Variants in TMEM132D observed in about 807,000 individuals in gnomAD.
TMEM132D encodes the protein mature OL transmembrane protein.
Under a neutral mutation model 62.3 loss-of-function variants are expected in TMEM132D, and 21 were observed. That is an observed-to-expected ratio of 0.34 (90% confidence interval 0.24 to 0.49). The LOEUF (loss-of-function observed/expected upper bound fraction) is 0.49. Among genes scored for constraint, TMEM132D ranks in the 20% least tolerant of loss-of-function variants. TMEM132D has a pLI of 0.99. For synonymous variants in TMEM132D, 621 were observed against 575.6 expected, an observed-to-expected ratio of 1.08 and a Z score of -1.13; for missense variants, 1,346 against 1,402.8, an observed-to-expected ratio of 0.96 and a Z score of 0.65.
At chr12:129,556,976 G>C (rs1877080579) in intron 2 of TMEM132D, among the ~76,000 whole-genome samples, 1 of 152,184 alleles carries the variant, frequency 6.6e-6, no homozygotes, top group African/African-American at 2.4e-5. Flanking sequence ...GAAATTTTCA[G>C]TATATTGTAA....
chr12:129,743,113 C>T (rs1054299841), intron 1 of TMEM132D, among the ~76,000 whole-genome samples: 3 of 152,234 alleles, frequency 2.0e-5, no homozygotes, highest in South Asian at 2.1e-4. Context: ...CTCTGCCCTC[C>T]TGGGTTCAGA....
chr12:129,403,380 G>A (rs757250720), intron 3 of TMEM132D, among the ~76,000 whole-genome samples: 6 of 151,220 alleles, frequency 4.0e-5, no homozygotes, highest in Non-Finnish European at 8.8e-5. Context: ...TGGAAGAAGA[G>A]AGTACAGCAA....
At chr12:129,105,738 G>A (rs1394737469) in intron 5 of TMEM132D, among the ~76,000 whole-genome samples, 19 of 151,230 alleles carry the variant, frequency 1.3e-4, no homozygotes, top group East Asian at 5.8e-4. Flanking sequence ...CACCAGTTAG[G>A]ATGGCAATCA....
chr12:129,132,354 T>C (rs774630146), intron 5 of TMEM132D, among the ~76,000 whole-genome samples: 2 of 152,210 alleles, frequency 1.3e-5, no homozygotes, highest in Non-Finnish European at 2.9e-5. Flanking sequence ...CAATCATTTC[T>C]CTGGTAAGTT....
At chr12:129,603,548 G>GC (rs1247438590) in intron 2 of TMEM132D, among the ~76,000 whole-genome samples, 1 of 152,062 alleles carries the variant, frequency 6.6e-6, no homozygotes, top group Non-Finnish European at 1.5e-5. Context: ...CATTTATGTG[G>GC]CCAAGAAACA....
chr12:129,172,873 G>A (rs2171252), intron 5 of TMEM132D, among the ~76,000 whole-genome samples: 85,844 of 152,078 alleles, frequency 0.56, 25,760 homozygotes, highest in Non-Finnish European at 0.67. Context: ...CACTGCACCC[G>A]GCCTGGCCTC....
intron 1 of TMEM132D, among the ~76,000 whole-genome samples, chr12:129,703,702 G>T (rs1025074584): frequency 3.3e-5 from 5 of 152,062 alleles, no homozygotes; most frequent in Non-Finnish European, 5.9e-5. Context: ...ATTGGGTTCC[G>T]TGGCTGTAAT....
intron 1 of TMEM132D, among the ~76,000 whole-genome samples, chr12:129,738,094 C>G (rs1869485850): frequency 1.3e-5 from 2 of 152,250 alleles, no homozygotes; most frequent in Non-Finnish European, 2.9e-5. Flanking sequence ...GATTAAATGA[C>G]TCCTCCATTC....
chr12:129,452,360 G>A (rs1434971540), intron 3 of TMEM132D, among the ~76,000 whole-genome samples: 1 of 152,208 alleles, frequency 6.6e-6, no homozygotes, highest in Non-Finnish European at 1.5e-5. Flanking sequence ...GTAAAACCTG[G>A]AAGCCATCTC....
chr12:129,383,393 C>T (rs1418730451), intron 3 of TMEM132D, among the ~76,000 whole-genome samples: 4 of 152,118 alleles, frequency 2.6e-5, no homozygotes, highest in Non-Finnish European at 1.5e-5. Context: ...CAGAAATGCC[C>T]GTTTTAGCAC....
intron 2 of TMEM132D, among the ~76,000 whole-genome samples, chr12:129,605,587 T>TTATATAGATATATATATATATATATATA (rs1878595558): frequency 9.3e-6 from 1 of 107,384 alleles, no homozygotes; most frequent in Non-Finnish European, 1.9e-5. Flanking sequence ...AAATTAGGCA[T>TTATATAGATATATATATATATATATATA]TATATATATA....
At chr12:129,245,327 C>T (rs1161641014) in intron 4 of TMEM132D, among the ~76,000 whole-genome samples, 1 of 152,222 alleles carries the variant, frequency 6.6e-6, no homozygotes, top group Non-Finnish European at 1.5e-5. Context: ...TAGCTTTAGA[C>T]TGGCTTCTTC....
chr12:129,748,219 T>A (rs1223766953), intron 1 of TMEM132D, among the ~76,000 whole-genome samples: 2 of 152,134 alleles, frequency 1.3e-5, no homozygotes, highest in African/African-American at 4.8e-5. Flanking sequence ...CAAAAAGGCA[T>A]TTGAGTCTGA....
chr12:129,805,688 A>G (rs1312774616), intron 1 of TMEM132D, among the ~76,000 whole-genome samples: 2 of 151,886 alleles, frequency 1.3e-5, no homozygotes, highest in Admixed American at 1.3e-4. Flanking sequence ...CAGAATTGAC[A>G]AATGGGATCT....
intron 3 of TMEM132D, among the ~76,000 whole-genome samples, chr12:129,369,368 CTT>C (rs3996441): frequency 6.6e-5 from 10 of 150,950 alleles, no homozygotes; most frequent in East Asian, 3.9e-4. Flanking sequence ...CCTCATGCTG[CTT>C]TTTTTTTTTA....
intron 4 of TMEM132D, among the ~76,000 whole-genome samples, chr12:129,284,795 G>A (rs752722293): frequency 2.5e-4 from 38 of 152,164 alleles, no homozygotes; most frequent in African/African-American, 5.3e-4. Flanking sequence ...ACATTATTAC[G>A]GCAAGTGAAA....
chr12:129,500,992 TC>T (rs1372396712), intron 3 of TMEM132D, among the ~76,000 whole-genome samples: 1 of 129,978 alleles, frequency 7.7e-6, no homozygotes, highest in African/African-American at 3.2e-5. Context: ...TTTACATCTT[TC>T]CTGGTCTGTC....
intron 3 of TMEM132D, among the ~76,000 whole-genome samples, chr12:129,442,550 A>C (rs1015241220): frequency 6.6e-6 from 1 of 152,154 alleles, no homozygotes; most frequent in Non-Finnish European, 1.5e-5. Flanking sequence ...AGTCTTCTGA[A>C]TATCTACTGC....
intron 2 of TMEM132D, among the ~76,000 whole-genome samples, chr12:129,540,476 A>G (rs538788541): frequency 2.0e-5 from 3 of 150,492 alleles, no homozygotes; most frequent in East Asian, 3.9e-4. Flanking sequence ...TCACTGATTC[A>G]TTCAACAAAC....
Sources: gnomAD v4.1 joint callset for allele counts (sites outside exome capture counted in the v4.1 genomes callset) on GRCh38, gnomAD v4.1.1 for gene constraint, MANE v1.5 for transcripts, NCBI Gene and HGNC (gene_info 2026-07-23, HGNC 2026-07-21) for gene names.